OPCML: variants seen among roughly 807,000 people sequenced by gnomAD.
The protein encoded by OPCML is opioid-binding protein/cell adhesion molecule.
In OPCML, 13 loss-of-function variants were observed where a neutral mutation model predicts 37.8. The observed-to-expected ratio is 0.34, with a 90% CI of 0.22 to 0.55. The LOEUF is 0.55. Ranked by LOEUF, OPCML falls within the 20% of genes least tolerant of loss-of-function variation. OPCML has a pLI of 0.91. For missense variants in OPCML, 341 were observed against 435.6 expected, an observed-to-expected ratio of 0.78 and a Z score of 1.93; for synonymous variants, 176 against 168.8, an observed-to-expected ratio of 1.04 and a Z score of -0.33.
In OPCML at chr11:132,420,312, G is replaced by A; in HGVS notation, c.917-19C>T. On this transcript the variant is annotated intron_variant, in intron 7 of 7. Transcript: ENST00000524381. The stretch of plus-strand genomic sequence containing the variant: ...CCAGGCCCTGTGTAGGGGAGAGAGA[G>A]ACAGACCCATTAGCATACACCCAAG... 2 of 1,613,040 alleles carry A rather than the reference G, an allele frequency of 1.2e-6. No homozygotes were observed. The highest frequency in any genetic ancestry group is 1.7e-6 in the Non-Finnish European group (2 of 1,179,578).
chr11:133,234,054 A>T (rs1243058407), intron 1 of OPCML, among the ~76,000 whole-genome samples: 1 of 152,224 alleles, frequency 6.6e-6, no homozygotes, highest in Admixed American at 6.5e-5. Context: ...AGATTGGAGA[A>T]GTCATAAAAT....
At chr11:132,433,660 T>C (rs1478179641) in intron 7 of OPCML, among the ~76,000 whole-genome samples, 1 of 152,190 alleles carries the variant, frequency 6.6e-6, no homozygotes, top group African/African-American at 2.4e-5. Context: ...GTGGCACCTA[T>C]AGGGAAGTAA....
At chr11:132,752,066 T>C (rs1945853202) in intron 2 of OPCML, among the ~76,000 whole-genome samples, 2 of 152,114 alleles carry the variant, frequency 1.3e-5, no homozygotes, top group Non-Finnish European at 2.9e-5. Flanking sequence ...AGACAGGATG[T>C]TGGCAACAAA....
At chr11:132,600,944 G>A (rs559992404) in intron 3 of OPCML, among the ~76,000 whole-genome samples, 2 of 142,454 alleles carry the variant, frequency 1.4e-5, no homozygotes, top group South Asian at 4.4e-4. Context: ...TCCCACCTCA[G>A]CCTCCTGAGT....
chr11:132,969,474 GT>G (rs1946291279), intron 1 of OPCML, among the ~76,000 whole-genome samples: 1 of 152,020 alleles, frequency 6.6e-6, no homozygotes, highest in Non-Finnish European at 1.5e-5. Flanking sequence ...TTTCTATCAA[GT>G]TTTTGAAATT....
chr11:133,463,275 T>C (rs1292500011), intron 1 of OPCML, among the ~76,000 whole-genome samples: 2 of 152,034 alleles, frequency 1.3e-5, no homozygotes, highest in Non-Finnish European at 2.9e-5. Context: ...GACTGTTTAA[T>C]GGGTACAGAG....
chr11:133,061,742 A>G (rs1489307697), intron 1 of OPCML, among the ~76,000 whole-genome samples: 4 of 152,142 alleles, frequency 2.6e-5, no homozygotes, highest in Non-Finnish European at 5.9e-5. Flanking sequence ...GTTCTCCATA[A>G]TTTATTTTAA....
chr11:132,495,385 T>C (rs2096228119), intron 4 of OPCML, among the ~76,000 whole-genome samples: 1 of 152,152 alleles, frequency 6.6e-6, no homozygotes, highest in African/African-American at 2.4e-5. Context: ...TATGCATTTG[T>C]TGGGGGAAGA....
At chr11:132,426,388 G>C (rs2095977635) in intron 7 of OPCML, among the ~76,000 whole-genome samples, 1 of 152,120 alleles carries the variant, frequency 6.6e-6, no homozygotes, top group African/African-American at 2.4e-5. Flanking sequence ...CTTTTGAGAG[G>C]CTACGTGTCT....
intron 2 of OPCML, among the ~76,000 whole-genome samples, chr11:132,919,921 C>G (rs2659629): frequency 0.075 from 11,365 of 152,216 alleles, 477 homozygotes; most frequent in Middle Eastern, 0.17. Context: ...AGTCCACATA[C>G]ATGAAATGTC....
chr11:132,441,008 A>G (rs7107589), intron 4 of OPCML, among the ~76,000 whole-genome samples: 1,811 of 152,054 alleles, frequency 0.012, 41 homozygotes, highest in African/African-American at 0.042. Flanking sequence ...TATGAGTTAA[A>G]GGAAGGAAAA....
At chr11:132,672,449 C>T (rs1462173605) in intron 2 of OPCML, among the ~76,000 whole-genome samples, 1 of 152,194 alleles carries the variant, frequency 6.6e-6, no homozygotes, top group Admixed American at 6.5e-5. Flanking sequence ...CCATCTCCCA[C>T]CTTCATTAAG....
At chr11:132,742,095 A>G (rs1277823478) in intron 2 of OPCML, among the ~76,000 whole-genome samples, 1 of 152,194 alleles carries the variant, frequency 6.6e-6, no homozygotes, top group African/African-American at 2.4e-5. Context: ...TCCTTTAGTA[A>G]ATGGTGTGAG....
chr11:133,420,681 G>A (rs752678727), intron 1 of OPCML: 10 of 985,280 alleles, frequency 1.0e-5, no homozygotes, highest in Non-Finnish European at 1.2e-5. Flanking sequence ...AGTTGAAAAG[G>A]ATGCATCTAG....
intron 2 of OPCML, among the ~76,000 whole-genome samples, chr11:132,811,498 G>A (rs1468577679): frequency 1.3e-5 from 2 of 152,094 alleles, no homozygotes; most frequent in Non-Finnish European, 2.9e-5. Context: ...ATTAGGCCCC[G>A]GGAAAGTGGC....
intron 1 of OPCML, among the ~76,000 whole-genome samples, chr11:133,315,485 A>G (rs561833472): frequency 1.3e-5 from 2 of 152,356 alleles, no homozygotes; most frequent in East Asian, 3.9e-4. Context: ...ATTTGAGGCC[A>G]TTGCTAGAAT....
rs764175237 is a variant in OPCML at position 132,415,918 on chromosome 11, G to A, written c.*4275C>T. On this transcript the variant is annotated 3_prime_UTR_variant, in exon 8 of 8. Coordinates refer to ENST00000524381, the MANE Select transcript of OPCML (RefSeq NM_001012393.5). ...TGATCATTAGGCGTTCTCATCATAT[G>A]GTCTCTTTTTGAAAATGTTGCCTTC... 6.6e-6 allele frequency: 1 copy of A among 152,518 alleles called. No individual in the cohort carries two copies. Among genetic ancestry groups the A allele is most frequent in the Non-Finnish European group, 1.5e-5 (1 of 68,014 alleles). 9.4% of individuals were successfully genotyped at this position (152,518 alleles called of 1,614,324 possible).
chr11:132,865,550 G>C (rs189336740), intron 2 of OPCML, among the ~76,000 whole-genome samples: 1 of 152,312 alleles, frequency 6.6e-6, no homozygotes, highest in Admixed American at 6.5e-5. Flanking sequence ...TATTTCTGAA[G>C]CTGCCTGAAT....
intron 1 of OPCML, among the ~76,000 whole-genome samples, chr11:133,103,540 G>GA (rs1307506301): frequency 2.6e-5 from 4 of 152,122 alleles, no homozygotes; most frequent in African/African-American, 7.2e-5. Context: ...AATGTGACAG[G>GA]AAAAAATTAC....
Sources: allele counts gnomAD v4.1 joint callset (sites outside exome capture counted in the v4.1 genomes callset), GRCh38; gene constraint gnomAD v4.1.1; transcripts MANE v1.5; gene names NCBI Gene and HGNC (gene_info 2026-07-23, HGNC 2026-07-21).